The following MTFP1 variants were observed in gnomAD, a reference collection of about 807,000 sequenced individuals.
MTFP1 encodes the protein mitochondrial fission process 1.
MTFP1 carries 19 observed loss-of-function variants against 17.1 expected under a neutral mutation model. The observed-to-expected ratio is 1.11, with a 90% CI of 0.77 to 1.63. The LOEUF (loss-of-function observed/expected upper bound fraction) is 1.63, where lower values mean the gene tolerates loss of function less well. Among genes scored for constraint, MTFP1 ranks in the 40% most tolerant of loss-of-function variants. The pLI, the probability that MTFP1 is intolerant of heterozygous loss-of-function variation, is 0.00. For synonymous variants in MTFP1, 89 were observed against 95.2 expected, an observed-to-expected ratio of 0.93 and a Z score of 0.38; for missense variants, 221 against 226.2, an observed-to-expected ratio of 0.98 and a Z score of 0.15.
At chr22:30,426,012 A>G in intron 1 of MTFP1, 66 bp downstream of exon 1, 1 of 1,384,956 alleles carries the variant, frequency 7.2e-7, no homozygotes, top group Non-Finnish European at 9.5e-7. Flanking sequence ...GGGTCGCCGG[A>G]CGCCCGCCCG....
intron 3 of MTFP1, 105 bp downstream of exon 3, chr22:30,427,508 C>T: frequency 3.2e-6 from 4 of 1,254,034 alleles, no homozygotes; most frequent in Non-Finnish European, 3.4e-6. Flanking sequence ...GGTATGCCCA[C>T]TTTGCTGGAG....
chr22:30,427,950 A>G (rs1367056547), intron 3 of MTFP1, among the ~76,000 whole-genome samples: 2 of 152,042 alleles, frequency 1.3e-5, no homozygotes, highest in Non-Finnish European at 2.9e-5. Context: ...AAATGGCCCT[A>G]GCAGCTCCCA....
chr22:30,426,876 C>T, intron 2 of MTFP1, 32 bp downstream of exon 2: 6 of 1,603,272 alleles, frequency 3.7e-6, no homozygotes, highest in Non-Finnish European at 5.1e-6. Flanking sequence ...AACCCCCAAC[C>T]CTAGCTCTCT....
Position 30,428,603 on chromosome 22 carries a change from A to G in MTFP1, c.*69A>G, listed in dbSNP as rs1392347245. On this transcript the variant is annotated 3_prime_UTR_variant, in exon 4 of 4. Transcript: ENST00000266263. ...GTCAACCTCCTACTCCTGCCAGGGA[A>G]TGTGGACACCTGGCTCCCTGGTGTC... The G allele has an allele frequency of 1.9e-6, 3 of 1,614,170 alleles. No homozygotes were observed. The highest frequency in any genetic ancestry group is 2.5e-6 in the Non-Finnish European group (3 of 1,180,020).
rs199831786 is a variant in MTFP1, at chr22:30,427,359, G to A, written c.384G>A (p.Ala128=). The A allele has an allele frequency of 4.3e-5, 70 of 1,614,112 alleles. No homozygotes were observed. The highest frequency in any genetic ancestry group is 3.3e-4 in the South Asian group (30 of 91,084). ...PLAVRKWTTT[A]LGLLTIPIII... Reference sequence around the variant, plus strand: ...CTGTCCGCAAGTGGACCACCACCGCGCTTGGGCTGTTGACCATCCCCATCA... The same window carrying A: ...CTGTCCGCAAGTGGACCACCACCGCACTTGGGCTGTTGACCATCCCCATCA... Residue 128 remains alanine (A), a synonymous_variant, in exon 3 of 4, where the codon GCG becomes GCA. Coordinates refer to ENST00000266263, the MANE Select transcript of MTFP1 (RefSeq NM_016498.5).
chr22:30,428,179 T>C (rs1934704213), intron 3 of MTFP1, among the ~76,000 whole-genome samples: 1 of 152,166 alleles, frequency 6.6e-6, no homozygotes, highest in Admixed American at 6.6e-5. Context: ...AGGAGCAGTC[T>C]TTCTCCAGGA....
chr22:30,425,958 G>A lies in MTFP1; in HGVS notation c.67+12G>A. ...GGTGCGATACCTGGGTGAGCGCGGGGCGACGGGCGCGGCGACCCCACCACC... is the reference window on the plus strand; with the variant it reads ...GGTGCGATACCTGGGTGAGCGCGGGACGACGGGCGCGGCGACCCCACCACC... On this transcript the variant is annotated intron_variant, in intron 1 of 3. Transcript: ENST00000266263. 1 of 1,502,084 alleles carries A rather than the reference G, an allele frequency of 6.7e-7. No individual in the cohort carries two copies. Among genetic ancestry groups the A allele is most frequent in the Non-Finnish European group, 8.9e-7 (1 of 1,126,224 alleles). The allele number at this position is 1,502,084 out of a possible 1,614,324, so 93.0% of individuals were successfully genotyped here.
At position 30,428,609 on chromosome 22, in the gene MTFP1, A is replaced by G; in HGVS notation, c.*75A>G. ...CTCCTACTCCTGCCAGGGAATGTGG[A>G]CACCTGGCTCCCTGGTGTCCAAAGA... is the stretch of plus-strand genomic sequence containing the variant. On this transcript the variant is annotated 3_prime_UTR_variant, in exon 4 of 4. Transcript: ENST00000266263. 1 of 1,614,122 alleles carries G rather than the reference A, an allele frequency of 6.2e-7. No individual in the cohort carries two copies. The highest frequency in any genetic ancestry group is 1.1e-5 in the South Asian group (1 of 91,076).
At chr22:30,428,421 C>G in intron 3 of MTFP1, 41 bp from the exon 4 acceptor site, 1 of 1,570,102 alleles carries the variant, frequency 6.4e-7, no homozygotes, top group Non-Finnish European at 8.8e-7. Context: ...CCCTCATGAA[C>G]ACCCTTGGTC....
At chr22:30,427,146 G>T in intron 2 of MTFP1, 25 bp from the exon 3 acceptor site, 1 of 1,612,108 alleles carries the variant, frequency 6.2e-7, no homozygotes, top group South Asian at 1.1e-5. Context: ...GCCCCAGCTG[G>T]ATTAAGTGTC....
rs1421444425 is a variant in MTFP1 at position 30,425,929 on chromosome 22, C to T, written c.50C>T (p.Thr17Met). The T allele has an allele frequency of 6.5e-7, 1 of 1,530,108 alleles. No homozygotes were observed. Among genetic ancestry groups the T allele is most frequent in the Non-Finnish European group, 8.8e-7 (1 of 1,138,638 alleles). The allele number at this position is 1,530,108 out of a possible 1,614,324, so 94.8% of individuals were successfully genotyped here. A position where few individuals can be genotyped will look rare whatever the true frequency, so the allele number is the denominator to read the frequency against. Reference protein sequence around the residue: ...RGAERDLYRDTWVRYLGYANE... With the variant: ...RGAERDLYRDMWVRYLGYANE... ...GCAGAGCGCGATCTCTACCGGGACA[C>T]GTGGGTGCGATACCTGGGTGAGCGC... The change falls in exon 1 of 4, where the codon ACG becomes ATG. Residue 17 changes from threonine to methionine, a missense_variant. Physicochemically the swap from Thr to Met is moderately conservative, Grantham distance 81. Coordinates refer to ENST00000266263, the MANE Select transcript of MTFP1 (RefSeq NM_016498.5).
rs1403404194 is a variant in MTFP1, at chr22:30,428,605, G to A, written c.*71G>A. Reference sequence around the variant, plus strand: ...CAACCTCCTACTCCTGCCAGGGAATGTGGACACCTGGCTCCCTGGTGTCCA... The same window carrying A: ...CAACCTCCTACTCCTGCCAGGGAATATGGACACCTGGCTCCCTGGTGTCCA... On this transcript the variant is annotated 3_prime_UTR_variant, in exon 4 of 4. Transcript: ENST00000266263. 1.9e-6 allele frequency: 3 copies of A among 1,614,232 alleles called. No individual in the cohort carries two copies. The highest frequency in any genetic ancestry group is 1.1e-5 in the South Asian group (1 of 91,086).
chr22:30,426,787 C>T lies in MTFP1; in HGVS notation c.138C>T (p.Gly46=), dbSNP rs997056795. ...CGGCGGTGGTGTGGCTGAGCTATGGCGTGGCCAGCTCCTACGTGCTGGCGG... is the reference window on the plus strand; with the variant it reads ...CGGCGGTGGTGTGGCTGAGCTATGGTGTGGCCAGCTCCTACGTGCTGGCGG... ...VPAAVVWLSY[G]VASSYVLADA... The change falls in exon 2 of 4, where the codon GGC becomes GGT. Residue 46 remains glycine (G), a synonymous_variant. Transcript: ENST00000266263. 3.7e-6 allele frequency: 6 copies of T among 1,613,732 alleles called. No homozygotes were observed. In the Admixed American group the frequency reaches 5.0e-5, roughly 13 times the overall value.
chr22:30,428,411 C>T, intron 3 of MTFP1, 51 bp from the exon 4 acceptor site: 1 of 1,529,386 alleles, frequency 6.5e-7, no homozygotes. Context: ...GCCTTCTGTT[C>T]CCTCATGAAC....
intron 3 of MTFP1, 35 bp downstream of exon 3, chr22:30,427,438 C>T (rs1934694764): frequency 6.3e-7 from 1 of 1,579,224 alleles, no homozygotes; most frequent in Non-Finnish European, 8.7e-7. Flanking sequence ...ATCATCCACT[C>T]TCCAGTGATG....
intron 1 of MTFP1, 64 bp downstream of exon 1, chr22:30,426,010 G>A: frequency 7.2e-7 from 1 of 1,388,772 alleles, no homozygotes; most frequent in Non-Finnish European, 9.4e-7. Context: ...AGGGGTCGCC[G>A]GACGCCCGCC....
In MTFP1 at chr22:30,428,529, T is replaced by C; in HGVS notation, c.496T>C (p.Ser166Pro). ...CCCAACAGTGGGGAAGCCCAGCTCC[T>C]CCTGATCATACTCTGGTACCTGGCC... ...LYPTVGKPSS[S>P] Residue 166 changes from serine (S) to proline (P), a missense_variant, in exon 4 of 4, where the codon TCC (serine) becomes CCC (proline). Coordinates refer to ENST00000266263, the MANE Select transcript of MTFP1 (RefSeq NM_016498.5). 1.9e-6 allele frequency: 3 copies of C among 1,614,186 alleles called. No homozygotes were observed. The highest frequency in any genetic ancestry group is 1.7e-5 in the Admixed American group (1 of 60,030).
chr22:30,428,759 T>TG lies in MTFP1; in HGVS notation c.*226dup. On this transcript the variant is annotated 3_prime_UTR_variant, in exon 4 of 4. Coordinates refer to ENST00000266263, the MANE Select transcript of MTFP1 (RefSeq NM_016498.5). Reference sequence around the variant, plus strand: ...CTGTCTGCTTCCCTGGAATCCAAGATGCTGAGTGGAAGTGGACCCTGGGTG... The same window carrying TG: ...CTGTCTGCTTCCCTGGAATCCAAGATGGCTGAGTGGAAGTGGACCCTGGGTG... 7.3e-7 allele frequency: 1 copy of TG among 1,368,310 alleles called. No individual in the cohort carries two copies. Among genetic ancestry groups the TG allele is most frequent in the Non-Finnish European group, 1.0e-6 (1 of 968,604 alleles). 84.8% of individuals were successfully genotyped at this position (1,368,310 alleles called of 1,614,324 possible).
Position 30,425,807 on chromosome 22 carries a change from C to T in MTFP1, c.-73C>T. The T allele has an allele frequency of 6.9e-7, 1 of 1,444,390 alleles. No homozygotes were observed. Among genetic ancestry groups the T allele is most frequent in the Non-Finnish European group, 9.2e-7 (1 of 1,087,912 alleles). The allele number at this position is 1,444,390 out of a possible 1,614,324, so 89.5% of individuals were successfully genotyped here. Reference sequence around the variant, plus strand: ...TTTCGGCGGGTCCCGGCCGGGCAGACCCAAGTGCCGGCGGCGGAGACTGCA... The same window carrying T: ...TTTCGGCGGGTCCCGGCCGGGCAGATCCAAGTGCCGGCGGCGGAGACTGCA... On this transcript the variant is annotated 5_prime_UTR_variant, in exon 1 of 4. Coordinates refer to ENST00000266263, the MANE Select transcript of MTFP1 (RefSeq NM_016498.5).
Sources: allele counts gnomAD v4.1 joint callset (sites outside exome capture counted in the v4.1 genomes callset), GRCh38; gene constraint gnomAD v4.1.1; transcripts MANE v1.5; gene names NCBI Gene and HGNC (gene_info 2026-07-23, HGNC 2026-07-21).